The following CADM2 variants were observed in gnomAD, a reference collection of about 807,000 sequenced individuals.
CADM2 encodes the protein cell adhesion molecule 2.
A neutral mutation model predicts 49.8 loss-of-function variants in CADM2; 12 were observed. That is an observed-to-expected ratio of 0.24 (90% CI 0.15 to 0.39). The LOEUF (loss-of-function observed/expected upper bound fraction) is 0.39. Among genes scored for constraint, CADM2 ranks in the 10% least tolerant of loss-of-function variants. The probability of loss-of-function intolerance (pLI) is 1.00; values close to 1 mark genes in which losing one functional copy is unlikely to be tolerated. For missense variants in CADM2, 378 were observed against 492.3 expected (o/e 0.77, Z 2.20); for synonymous variants, 214 against 175.4 (o/e 1.22, Z -1.74).
intron 1 of CADM2, among the ~76,000 whole-genome samples, chr3:85,645,606 G>A (rs912125228): frequency 1.3e-5 from 2 of 151,922 alleles, no homozygotes; most frequent in African/African-American, 2.4e-5. Context: ...TTAAAGCTCT[G>A]TAAAAATTTT....
At chr3:85,641,278 T>C (rs2064702115) in intron 1 of CADM2, among the ~76,000 whole-genome samples, 1 of 152,178 alleles carries the variant, frequency 6.6e-6, no homozygotes, top group Non-Finnish European at 1.5e-5. Context: ...ATTTTTCCAA[T>C]TCAGTTAACC....
chr3:85,901,976 G>A (rs893052152), intron 5 of CADM2, among the ~76,000 whole-genome samples: 10 of 152,026 alleles, frequency 6.6e-5, no homozygotes, highest in Admixed American at 5.2e-4. Context: ...CTTTATAATT[G>A]CCAAATAATA....
intron 1 of CADM2, among the ~76,000 whole-genome samples, chr3:85,206,543 G>A (rs758515224): frequency 6.6e-6 from 1 of 151,830 alleles, no homozygotes; most frequent in Non-Finnish European, 1.5e-5. Context: ...ACCTGACCTC[G>A]TGATCCGCCC....
At chr3:85,942,016 T>G (rs543728104) in intron 7 of CADM2, among the ~76,000 whole-genome samples, 15 of 152,136 alleles carry the variant, frequency 9.9e-5, no homozygotes, top group Non-Finnish European at 7.4e-5. Flanking sequence ...TATATGATCT[T>G]TCCCAGTAAC....
At chr3:85,705,346 G>A (rs980880300) in intron 1 of CADM2, among the ~76,000 whole-genome samples, 6 of 151,940 alleles carry the variant, frequency 3.9e-5, no homozygotes, top group Admixed American at 1.3e-4. Flanking sequence ...CTACAAGTCA[G>A]GTACTGTTAC....
chr3:85,430,373 G>A (rs569797176), intron 1 of CADM2, among the ~76,000 whole-genome samples: 1 of 152,048 alleles, frequency 6.6e-6, no homozygotes, highest in African/African-American at 2.4e-5. Flanking sequence ...AAGGAGGCTG[G>A]GCACAAGGGC....
At chr3:84,960,427 G>T (rs1284933132) in intron 1 of CADM2, 1 of 151,332 alleles carries the variant, frequency 6.6e-6, no homozygotes, top group Non-Finnish European at 1.5e-5. Flanking sequence ...AAAATTAAAA[G>T]ACCCAAACCC....
At chr3:85,020,745 GGTGT>G (rs5850659) in intron 1 of CADM2, among the ~76,000 whole-genome samples, 6 of 150,204 alleles carry the variant, frequency 4.0e-5, no homozygotes, top group East Asian at 2.0e-4. Flanking sequence ...GTATGTGTAC[GGTGT>G]GTGTGTGTGT....
intron 1 of CADM2, among the ~76,000 whole-genome samples, chr3:85,604,217 C>A (rs942947924): frequency 6.6e-6 from 1 of 151,792 alleles, no homozygotes; most frequent in African/African-American, 2.4e-5. Flanking sequence ...AATGCTTACA[C>A]AGGGAACTAG....
intron 1 of CADM2, among the ~76,000 whole-genome samples, chr3:84,978,786 T>A (rs1019755929): frequency 1.3e-5 from 2 of 152,150 alleles, no homozygotes; most frequent in Admixed American, 1.3e-4. Flanking sequence ...AAACCAAACA[T>A]CATAATAGGC....
chr3:85,241,161 C>G (rs1203933990), intron 1 of CADM2, among the ~76,000 whole-genome samples: 3 of 151,320 alleles, frequency 2.0e-5, no homozygotes, highest in Non-Finnish European at 3.0e-5. Context: ...CCGAGATTGA[C>G]AGAAAAGCAA....
chr3:85,077,074 A>G (rs1013985802), intron 1 of CADM2, among the ~76,000 whole-genome samples: 3 of 152,196 alleles, frequency 2.0e-5, no homozygotes, highest in African/African-American at 4.8e-5. Context: ...TGGGAAAGCA[A>G]ATCTAAGACT....
chr3:85,275,559 T>C (rs2043337437), intron 1 of CADM2, among the ~76,000 whole-genome samples: 1 of 151,320 alleles, frequency 6.6e-6, no homozygotes, highest in African/African-American at 2.4e-5. Context: ...AATCTTTATA[T>C]ATACATAAAC....
At chr3:85,459,783 T>A (rs1031232287) in intron 1 of CADM2, among the ~76,000 whole-genome samples, 3 of 152,218 alleles carry the variant, frequency 2.0e-5, no homozygotes, top group Non-Finnish European at 4.4e-5. Flanking sequence ...AAAAAGCATG[T>A]TTGTTGGAAC....
At chr3:85,729,764 T>C (rs1417911111) in intron 2 of CADM2, among the ~76,000 whole-genome samples, 1 of 152,156 alleles carries the variant, frequency 6.6e-6, no homozygotes, top group East Asian at 1.9e-4. Context: ...TAATAAAAAT[T>C]TCTAGATAGG....
chr3:85,276,967 A>G (rs2043369961), intron 1 of CADM2, among the ~76,000 whole-genome samples: 1 of 151,376 alleles, frequency 6.6e-6, no homozygotes, highest in Admixed American at 6.6e-5. Flanking sequence ...AATCCTTTGA[A>G]AAAAATTTAA....
chr3:85,518,071 A>C (rs1043981638), intron 1 of CADM2, among the ~76,000 whole-genome samples: 8 of 152,124 alleles, frequency 5.3e-5, no homozygotes, highest in African/African-American at 1.9e-4. Context: ...CAGTGGCACA[A>C]TCTCAGCTCA....
chr3:85,892,588 A>G (rs1019618314), intron 5 of CADM2, among the ~76,000 whole-genome samples: 27 of 152,148 alleles, frequency 1.8e-4, no homozygotes, highest in African/African-American at 6.3e-4. Flanking sequence ...GCCTGCCACC[A>G]TGTAAGATGT....
intron 1 of CADM2, among the ~76,000 whole-genome samples, chr3:85,165,110 A>G (rs1303438745): frequency 6.6e-6 from 1 of 151,806 alleles, no homozygotes; most frequent in African/African-American, 2.4e-5. Flanking sequence ...TTTTGGTATT[A>G]AATATAATTA....
Sources: gnomAD v4.1 joint callset for allele counts (sites outside exome capture counted in the v4.1 genomes callset) on GRCh38, gnomAD v4.1.1 for gene constraint, MANE v1.5 for transcripts, NCBI Gene and HGNC (gene_info 2026-07-23, HGNC 2026-07-21) for gene names.